Variants in PGM3 observed in about 807,000 individuals in gnomAD.
PGM3 encodes phosphoacetylglucosamine mutase.
A neutral mutation model predicts 66.2 loss-of-function variants in PGM3; 40 were observed. The ratio of observed to expected loss-of-function variants is 0.60; its 90% CI spans 0.47 to 0.79. The LOEUF (loss-of-function observed/expected upper bound fraction) is 0.79. Among genes scored for constraint, PGM3 ranks in the 30% least tolerant of loss-of-function variants. PGM3 has a pLI of 0.00. For missense variants in PGM3, 537 were observed against 643.4 expected (o/e 0.83, Z 1.79); for synonymous variants, 191 against 224.2 (o/e 0.85, Z 1.32).
downstream of PGM3, among the ~76,000 whole-genome samples, chr6:83,159,069 C>T (rs521811): frequency 0.35 from 52,600 of 151,926 alleles, 10,553 homozygotes; most frequent in African/African-American, 0.56. Context: ...CAATTTTTTA[C>T]TTACACAAAT....
At chr6:83,164,399 CA>C (rs1241349605), downstream of PGM3, among the ~76,000 whole-genome samples, 1 of 151,672 alleles carries the variant, frequency 6.6e-6, no homozygotes, top group Non-Finnish European at 1.5e-5. Flanking sequence ...ATGACAAATC[CA>C]GAAGCAAATA....
downstream of PGM3, chr6:83,156,202 G>A: frequency 1.1e-6 from 1 of 926,844 alleles, no homozygotes; most frequent in Non-Finnish European, 1.6e-6. Context: ...AATATATCAA[G>A]TGTAGATCAA....
intron 5 of PGM3, among the ~76,000 whole-genome samples, chr6:83,182,420 A>G (rs1208174303): frequency 1.3e-5 from 2 of 152,216 alleles, no homozygotes; most frequent in African/African-American, 2.4e-5. Flanking sequence ...TGGTAAGGAC[A>G]TATACTCAAT....
At position 83,168,250 on chromosome 6, in the gene PGM3, C is replaced by A; in HGVS notation, c.*984G>T. 1 of 1,476,296 alleles carries A rather than the reference C, an allele frequency of 6.8e-7. No individual in the cohort carries two copies. Among genetic ancestry groups the A allele is most frequent in the East Asian group, 2.4e-5 (1 of 41,260 alleles). The allele number at this position is 1,476,296 out of a possible 1,614,324, so 91.4% of individuals were successfully genotyped here. On this transcript the variant is annotated 3_prime_UTR_variant, in exon 13 of 13. Transcript: ENST00000513973. ...ACTGCTCTGCGTTGTATAGTTTTTCCTTTTTTGTATGTAACAGAACACATT... is the reference window on the plus strand; with the variant it reads ...ACTGCTCTGCGTTGTATAGTTTTTCATTTTTTGTATGTAACAGAACACATT...
chr6:83,153,777 GCTTT>G, the PGM3 span: 10 of 1,225,052 alleles, frequency 8.2e-6, no homozygotes, highest in South Asian at 1.7e-5. Flanking sequence ...TTCTTATGGT[GCTTT>G]CTATTTCATA....
chr6:83,152,914 G>A, the PGM3 span, among the ~76,000 whole-genome samples: 216 of 152,196 alleles, frequency 1.4e-3, no homozygotes, highest in African/African-American at 4.1e-3. Flanking sequence ...CACCGCGCCC[G>A]GCCTGGGGAG....
At chr6:83,162,866 G>C (rs1317765360), downstream of PGM3, 1 of 1,613,532 alleles carries the variant, frequency 6.2e-7, no homozygotes, top group African/African-American at 1.3e-5. Context: ...ACATCAACGA[G>C]AATTTAAACC....
intron 4 of PGM3, among the ~76,000 whole-genome samples, chr6:83,185,960 A>G: frequency 6.6e-6 from 1 of 152,166 alleles, no homozygotes; most frequent in East Asian, 1.9e-4. Context: ...AGCTCAAAGA[A>G]AGAGCTTTAA....
intron 9 of PGM3, 60 bp downstream of exon 9, chr6:83,175,902 T>G (rs1026968839): frequency 1.2e-6 from 1 of 840,276 alleles, no homozygotes; most frequent in East Asian, 2.4e-5. Context: ...CTCCCAGATA[T>G]AGAAGTCTCA....
chr6:83,184,713 G>C (rs1788446084), intron 4 of PGM3, among the ~76,000 whole-genome samples: 1 of 152,192 alleles, frequency 6.6e-6, no homozygotes, highest in Non-Finnish European at 1.5e-5. Context: ...GAGCGGCCTA[G>C]CTGGTCTGTT....
At position 83,176,050 on chromosome 6, in the gene PGM3, T is replaced by C. The variant is rs139056409; in HGVS notation, c.1040A>G (p.Tyr347Cys). The C allele has an allele frequency of 1.7e-5, 27 of 1,573,662 alleles. No individual in the cohort carries two copies. The highest frequency in any genetic ancestry group is 6.7e-5 in the African/African-American group (5 of 74,270). Reference protein sequence around the residue: ...YLEEVMKVPVYCTKTGVKHLH... With the variant: ...YLEEVMKVPVCCTKTGVKHLH... ...ATGTTTTACACCAGTCTTAGTGCAA[T>C]AGACAGGTACCTATAACACATGCAT... Residue 347 changes from tyrosine (Y) to cysteine (C), a missense_variant, in exon 9 of 13, where the codon TAT (tyrosine) becomes TGT (cysteine). By Grantham distance (194) the Tyr-to-Cys change is radical. Transcript: ENST00000513973.
At chr6:83,175,217 A>T (rs773711245) in intron 9 of PGM3, among the ~76,000 whole-genome samples, 2 of 152,230 alleles carry the variant, frequency 1.3e-5, no homozygotes, top group Non-Finnish European at 1.5e-5. Context: ...AACAACTGTA[A>T]GAGACCTTAT....
At chr6:83,150,502 A>C in the PGM3 span, among the ~76,000 whole-genome samples, 1 of 152,218 alleles carries the variant, frequency 6.6e-6, no homozygotes, top group African/African-American at 2.4e-5. Context: ...TTTCAGTTAT[A>C]CTAGAAACTT....
intron 2 of PGM3, 180 bp downstream of exon 2, chr6:83,190,629 G>T (rs1788971208): frequency 1.7e-6 from 1 of 605,398 alleles, no homozygotes; most frequent in Non-Finnish European, 2.9e-6. Flanking sequence ...CACACCCTTA[G>T]GAATCATGAG....
intron 9 of PGM3, 102 bp from the exon 10 acceptor site, chr6:83,174,589 G>A (rs972495283): frequency 3.5e-6 from 2 of 563,804 alleles, no homozygotes; most frequent in African/African-American, 2.0e-5. Context: ...AGTCAATCTG[G>A]AGAAACTGAG....
chr6:83,178,858 G>A (rs1787966481), intron 7 of PGM3, 102 bp from the exon 8 acceptor site: 2 of 746,738 alleles, frequency 2.7e-6, no homozygotes, highest in Admixed American at 2.2e-5. Flanking sequence ...AGCCAGTTCA[G>A]TTGTGCCTTA....
At chr6:83,191,384 T>TAAAAAAAA in intron 1 of PGM3, 1 of 682,022 alleles carries the variant, frequency 1.5e-6, no homozygotes, top group Admixed American at 2.7e-5. Flanking sequence ...CATTTCATTT[T>TAAAAAAAA]ACAAAAAGGG....
At chr6:83,188,396 G>A in intron 3 of PGM3, 1 of 441,298 alleles carries the variant, frequency 2.3e-6, no homozygotes, top group South Asian at 4.8e-5. Flanking sequence ...CTGCAGCTTG[G>A]GTTTTGGAGT....
At chr6:83,162,782 A>G, downstream of PGM3, 2 of 1,608,260 alleles carry the variant, frequency 1.2e-6, no homozygotes, top group South Asian at 1.1e-5. Context: ...TCATTATTCT[A>G]TACATAGGTA....
Sources: gnomAD v4.1 joint callset for allele counts (sites outside exome capture counted in the v4.1 genomes callset) on GRCh38, gnomAD v4.1.1 for gene constraint, MANE v1.5 for transcripts, NCBI Gene and HGNC (gene_info 2026-07-23, HGNC 2026-07-21) for gene names.